The following INVS variants were observed in gnomAD, a reference collection of about 807,000 sequenced individuals.
The protein encoded by INVS is inversin, also known as inversion of embryo turning homolog.
INVS carries 86 observed loss-of-function variants against 108.8 expected under a neutral mutation model. The observed-to-expected ratio is 0.79, with a 90% confidence interval of 0.66 to 0.95. The LOEUF is 0.95. Ranked by LOEUF, INVS falls within the 40% of genes least tolerant of loss-of-function variation. The probability of loss-of-function intolerance (pLI) is 0.00; values close to 1 mark genes in which losing one functional copy is unlikely to be tolerated. For missense variants in INVS, 1,169 were observed against 1,297.4 expected, an observed-to-expected ratio of 0.90 and a Z score of 1.52; for synonymous variants, 455 against 473.5, an observed-to-expected ratio of 0.96 and a Z score of 0.51.
intron 11 of INVS, among the ~76,000 whole-genome samples, chr9:100,265,817 C>T (rs1230410017): frequency 6.6e-6 from 1 of 152,228 alleles, no homozygotes; most frequent in Admixed American, 6.5e-5. Context: ...TGGCTCACGC[C>T]TGTAATCCCA....
At chr9:100,278,231 CAAAA>C (rs750217205) in intron 12 of INVS, among the ~76,000 whole-genome samples, 3 of 83,124 alleles carry the variant, frequency 3.6e-5, no homozygotes, top group African/African-American at 9.6e-5. Flanking sequence ...GACCCTGTCT[CAAAA>C]AAAAAAAAAA....
intron 13 of INVS, among the ~76,000 whole-genome samples, chr9:100,287,335 T>C (rs1047281471): frequency 3.3e-5 from 5 of 152,182 alleles, no homozygotes; most frequent in African/African-American, 9.7e-5. Context: ...CACATTATAT[T>C]GATCAAAGCA....
rs915450181 is a variant in INVS at position 100,246,467 on chromosome 9, G to A, written c.907-149G>A. On this transcript the variant is annotated intron_variant, in intron 7 of 16. Transcript: ENST00000262457. ...TATCTTCGATGGAAATTGTAGTTCT[G>A]TCATTAATAAAAAGATAATTTAATT... 262 of 633,070 alleles carry A rather than the reference G, an allele frequency of 4.1e-4. 1 individual carries two copies. In the East Asian group the frequency reaches 7.2e-3, roughly 17 times the overall value. The allele number at this position is 633,070 out of a possible 1,614,324, so 39.2% of individuals were successfully genotyped here. A position where few individuals can be genotyped will look rare whatever the true frequency, so the allele number is the denominator to read the frequency against.
At chr9:100,295,564 C>T (rs1256804436) in intron 14 of INVS, among the ~76,000 whole-genome samples, 2 of 152,064 alleles carry the variant, frequency 1.3e-5, no homozygotes, top group African/African-American at 2.4e-5. Flanking sequence ...ACTAAGTGTT[C>T]AGTGCAGGCT....
intron 2 of INVS, among the ~76,000 whole-genome samples, chr9:100,116,013 T>C (rs1281097022): frequency 6.6e-6 from 1 of 152,224 alleles, no homozygotes; most frequent in African/African-American, 2.4e-5. Flanking sequence ...TGATATCTCA[T>C]TGTGGTTTTG....
At chr9:100,287,027 A>G (rs540897548) in intron 13 of INVS, among the ~76,000 whole-genome samples, 5 of 152,294 alleles carry the variant, frequency 3.3e-5, no homozygotes, top group Middle Eastern at 3.4e-3. Context: ...AACAATGACA[A>G]TTTAATTTTT....
At chr9:100,286,466 G>T (rs970798603) in intron 13 of INVS, among the ~76,000 whole-genome samples, 28 of 152,302 alleles carry the variant, frequency 1.8e-4, no homozygotes, top group African/African-American at 6.3e-4. Context: ...GCTTGAACTT[G>T]AGAGGCGGAA....
At chr9:100,168,334 C>T (rs755999235) in intron 3 of INVS, among the ~76,000 whole-genome samples, 12 of 152,118 alleles carry the variant, frequency 7.9e-5, no homozygotes, top group Non-Finnish European at 1.8e-4. Flanking sequence ...GAACATCAAG[C>T]TTGAGCTGGG....
intron 7 of INVS, among the ~76,000 whole-genome samples, chr9:100,244,821 TA>T (rs1831993887): frequency 6.6e-6 from 1 of 152,122 alleles, no homozygotes; most frequent in African/African-American, 2.4e-5. Flanking sequence ...TGCAAATTAG[TA>T]AAAGAAAACA....
At chr9:100,290,750 G>T (rs534119033) in intron 13 of INVS, among the ~76,000 whole-genome samples, 1 of 152,222 alleles carries the variant, frequency 6.6e-6, no homozygotes, top group East Asian at 1.9e-4. Context: ...GTCTCACTCT[G>T]TTGCTCAGGC....
In INVS at chr9:100,301,145, A is replaced by T. The variant is rs1035691114; in HGVS notation, c.*471A>T. On this transcript the variant is annotated 3_prime_UTR_variant, in exon 17 of 17. Transcript: ENST00000262457. ...ATCTAATGCAACAAACTTATCACACACACACACACACACACACACACACAC... is the reference window on the plus strand; with the variant it reads ...ATCTAATGCAACAAACTTATCACACTCACACACACACACACACACACACAC... 2.4e-4 allele frequency: 25 copies of T among 105,692 alleles called. No individual in the cohort carries two copies. The highest frequency in any genetic ancestry group is 1.1e-3 in the African/African-American group (19 of 17,820). The allele number at this position is 105,692 out of a possible 1,614,324, so 6.5% of individuals were successfully genotyped here.
At chr9:100,232,318 T>G (rs1306355414) in intron 5 of INVS, among the ~76,000 whole-genome samples, 1 of 152,196 alleles carries the variant, frequency 6.6e-6, no homozygotes, top group Non-Finnish European at 1.5e-5. Context: ...TTCACGCTGA[T>G]GATAGTTTCT....
chr9:100,103,160 AT>A (rs1047790122), intron 1 of INVS, among the ~76,000 whole-genome samples: 4 of 150,606 alleles, frequency 2.7e-5, no homozygotes, highest in African/African-American at 9.8e-5. Flanking sequence ...GCCTTAACTA[AT>A]TTTTTTATTT....
chr9:100,126,278 C>A, intron 2 of INVS, 105 bp from the exon 3 acceptor site: 1 of 894,662 alleles, frequency 1.1e-6, no homozygotes, highest in East Asian at 2.6e-5. Flanking sequence ...AGATGATATA[C>A]TTAAGCATTT....
intron 2 of INVS, among the ~76,000 whole-genome samples, chr9:100,122,368 A>C (rs1400708797): frequency 2.6e-5 from 4 of 152,002 alleles, no homozygotes; most frequent in African/African-American, 9.7e-5. Context: ...GTATGTATAC[A>C]TTTAGGAATT....
At chr9:100,183,858 T>A (rs983877609) in intron 3 of INVS, among the ~76,000 whole-genome samples, 24 of 150,950 alleles carry the variant, frequency 1.6e-4, no homozygotes, top group African/African-American at 5.8e-4. Flanking sequence ...TAAACAATTA[T>A]TTTTTCTTAA....
At chr9:100,202,742 A>G (rs1830568100) in intron 3 of INVS, among the ~76,000 whole-genome samples, 1 of 152,204 alleles carries the variant, frequency 6.6e-6, no homozygotes, top group African/African-American at 2.4e-5. Flanking sequence ...TTCCACTATT[A>G]GGTCAGCAGG....
At chr9:100,203,093 G>A (rs1830578517) in intron 3 of INVS, among the ~76,000 whole-genome samples, 1 of 152,132 alleles carries the variant, frequency 6.6e-6, no homozygotes, top group Admixed American at 6.5e-5. Context: ...ATCTCCTAAG[G>A]TACAAAGCAT....
intron 3 of INVS, among the ~76,000 whole-genome samples, chr9:100,198,264 A>ATTTTTTTTTTTTTTTT (rs66710233): frequency 3.1e-5 from 2 of 65,286 alleles, no homozygotes; most frequent in African/African-American, 6.0e-5. Context: ...GAGGGCTAGA[A>ATTTTTTTTTTTTTTTT]TTTTTTTTTT....
Sources: gnomAD v4.1 joint callset for allele counts (sites outside exome capture counted in the v4.1 genomes callset) on GRCh38, gnomAD v4.1.1 for gene constraint, MANE v1.5 for transcripts, NCBI Gene and HGNC (gene_info 2026-07-23, HGNC 2026-07-21) for gene names.